CELF2: variants seen among roughly 807,000 people sequenced by gnomAD.
CELF2 encodes CUG triplet repeat RNA-binding protein 2.
In CELF2, 8 loss-of-function variants were observed where a neutral mutation model predicts 62.6. The ratio of observed to expected loss-of-function variants is 0.13; its 90% CI spans 0.07 to 0.23. The LOEUF is 0.23. Among genes scored for constraint, CELF2 ranks in the 10% least tolerant of loss-of-function variants. The pLI, the probability that CELF2 is intolerant of heterozygous loss-of-function variation, is 1.00. For missense variants in CELF2, 333 were observed against 671.0 expected, an observed-to-expected ratio of 0.50 and a Z score of 5.56; for synonymous variants, 258 against 250.0, an observed-to-expected ratio of 1.03 and a Z score of -0.30.
At chr10:10,702,532 A>G in the CELF2 span, among the ~76,000 whole-genome samples, 1 of 152,254 alleles carries the variant, frequency 6.6e-6, no homozygotes, top group East Asian at 1.9e-4. Context: ...TTAAGAATTC[A>G]CTGTCTCTCT....
At chr10:10,505,967 G>A in the CELF2 span, among the ~76,000 whole-genome samples, 1 of 152,112 alleles carries the variant, frequency 6.6e-6, no homozygotes, top group African/African-American at 2.4e-5. Context: ...ACCTTTCAAA[G>A]TCTTGTGTTT....
the CELF2 span, among the ~76,000 whole-genome samples, chr10:10,725,099 A>C: frequency 9.2e-5 from 14 of 152,332 alleles, no homozygotes; most frequent in Non-Finnish European, 2.1e-4. Flanking sequence ...TTAGCTTTTT[A>C]CCAGTATTCC....
At chr10:10,555,572 T>C in the CELF2 span, among the ~76,000 whole-genome samples, 1 of 152,228 alleles carries the variant, frequency 6.6e-6, no homozygotes, top group South Asian at 2.1e-4. Context: ...GTTATAAACA[T>C]AACCTATACA....
At chr10:10,846,011 C>A in intron 1 of CELF2, 2 of 573,082 alleles carry the variant, frequency 3.5e-6, no homozygotes, top group Non-Finnish European at 4.4e-6. Flanking sequence ...TGTGTCTCAG[C>A]TTCGGCATCT....
rs2074832566 is a variant in CELF2 at position 11,244,010 on chromosome 10, C to G, written c.355-5143C>G. Among the ~76,000 whole-genome samples the G allele has an allele frequency of 6.6e-6, 1 of 152,170 alleles. No individual in the cohort carries two copies. Among genetic ancestry groups the G allele is most frequent in the African/African-American group, 2.4e-5 (1 of 41,422 alleles). Reference sequence around the variant, plus strand: ...GACCACCACATCACCTGGGCCCTCCCCCGTCTCCTGCTGTCTACTGGGACC... The same window carrying G: ...GACCACCACATCACCTGGGCCCTCCGCCGTCTCCTGCTGTCTACTGGGACC... On this transcript the variant is annotated intron_variant, in intron 3 of 12. Transcript: ENST00000633077. The surrounding 1 kb of genome is among the most constrained non-coding windows in gnomAD (Gnocchi z 4.2).
At chr10:10,658,731 T>C in the CELF2 span, among the ~76,000 whole-genome samples, 1 of 152,318 alleles carries the variant, frequency 6.6e-6, no homozygotes, top group South Asian at 2.1e-4. Flanking sequence ...GTCTATTCTA[T>C]GTAGCTCTTG....
chr10:10,739,919 C>T, the CELF2 span, among the ~76,000 whole-genome samples: 1 of 152,020 alleles, frequency 6.6e-6, no homozygotes, highest in African/African-American at 2.4e-5. Context: ...GGTCCTTTGC[C>T]CCCTTTTTAA....
In CELF2 at chr10:11,046,506, TTCTC is replaced by T. The variant is rs765735857; in HGVS notation, c.74+28344_74+28347del. Reference sequence around the variant, plus strand: ...GGTTCTCATTAGGCGCACTGCCTGATTCTCATTAAGACTGTCCTGATTTCTTTTA... The same window carrying T: ...GGTTCTCATTAGGCGCACTGCCTGATATTAAGACTGTCCTGATTTCTTTTA... On this transcript the variant is annotated intron_variant, in intron 1 of 12. Transcript: ENST00000633077. This position sits in a 1 kb window ranked among gnomAD's most constrained non-coding sequence, Gnocchi z 4.6. Among the ~76,000 whole-genome samples the T allele has an allele frequency of 1.3e-5, 2 of 152,228 alleles. No homozygotes were observed. The highest frequency in any genetic ancestry group is 2.9e-5 in the Non-Finnish European group (2 of 68,040).
At chr10:10,687,437 CAA>C in the CELF2 span, among the ~76,000 whole-genome samples, 1 of 152,054 alleles carries the variant, frequency 6.6e-6, no homozygotes, top group South Asian at 2.1e-4. Flanking sequence ...AAATTTTAAC[CAA>C]AAGTCATTGT....
intron 2 of CELF2, among the ~76,000 whole-genome samples, chr10:10,980,465 C>T (rs1447833459): frequency 1.3e-5 from 2 of 152,218 alleles, no homozygotes; most frequent in East Asian, 1.9e-4. Context: ...TCGTGGCCTC[C>T]TTCTCTTGCT....
rs1019314818 is a variant in CELF2 at position 11,005,859 on chromosome 10, T to C, written c.53+419T>C. Among the ~76,000 whole-genome samples, 1 of 152,202 alleles carries C rather than the reference T, an allele frequency of 6.6e-6. No individual in the cohort carries two copies. Among genetic ancestry groups the C allele is most frequent in the Non-Finnish European group, 1.5e-5 (1 of 68,032 alleles). On this transcript the variant is annotated intron_variant, in intron 1 of 12. Transcript: ENST00000416382. This position sits in a 1 kb window ranked among gnomAD's most constrained non-coding sequence, Gnocchi z 4.3. ...AGGAGACTCCATATTAGACTTGCGT[T>C]CCAAATACCGCTCTAATCTGGACTT...
chr10:10,819,448 C>G (rs2056774521), intron 1 of CELF2, among the ~76,000 whole-genome samples: 1 of 152,074 alleles, frequency 6.6e-6, no homozygotes, highest in Non-Finnish European at 1.5e-5. Flanking sequence ...GCCAGGGTTA[C>G]CAATGCCAAA....
At chr10:10,481,012 G>A in the CELF2 span, among the ~76,000 whole-genome samples, 2 of 152,152 alleles carry the variant, frequency 1.3e-5, no homozygotes, top group Non-Finnish European at 2.9e-5. Context: ...GCAGTGAGCC[G>A]AGATCGCACC....
chr10:10,723,607 A>AT, the CELF2 span, among the ~76,000 whole-genome samples: 2 of 152,128 alleles, frequency 1.3e-5, no homozygotes, highest in South Asian at 4.2e-4. Context: ...ACAGTTCCTC[A>AT]TTTTTTTTAA....
chr10:10,574,872 G>GCTTTTTTTT, the CELF2 span, among the ~76,000 whole-genome samples: 7 of 105,980 alleles, frequency 6.6e-5, 3 homozygotes, highest in Non-Finnish European at 1.2e-4. Context: ...ACCATGCCTG[G>GCTTTTTTTT]TTTTTTTTTT....
the CELF2 span, among the ~76,000 whole-genome samples, chr10:10,615,124 T>C: frequency 2.0e-4 from 30 of 152,234 alleles, no homozygotes; most frequent in Non-Finnish European, 3.8e-4. Context: ...CTGAGCAACC[T>C]ACTCACTGTT....
At chr10:10,988,406 A>G (rs1490443022) in intron 2 of CELF2, among the ~76,000 whole-genome samples, 2 of 152,062 alleles carry the variant, frequency 1.3e-5, no homozygotes, top group Non-Finnish European at 2.9e-5. Context: ...AAGTGAAGTA[A>G]CTCAGGAATG....
At chr10:11,149,069 G>A (rs1392994506) in intron 1 of CELF2, among the ~76,000 whole-genome samples, 1 of 152,106 alleles carries the variant, frequency 6.6e-6, no homozygotes, top group East Asian at 1.9e-4. Flanking sequence ...ATTATTGACA[G>A]GTGTTTTTTT....
At position 11,309,939 on chromosome 10, in the gene CELF2, G is replaced by T. The variant is rs2094473001; in HGVS notation, c.977-4200G>T. 6.6e-6 allele frequency among the ~76,000 whole-genome samples: 1 copy of T among 152,210 alleles called. No individual in the cohort carries two copies. Among genetic ancestry groups the T allele is most frequent in the African/African-American group, 2.4e-5 (1 of 41,448 alleles). ...CCTGTCTCTCCCTGCTCTGGAGGTG[G>T]TGCAGGGGCAGTGGCCTGCTTTTCT... is the stretch of plus-strand genomic sequence containing the variant. On this transcript the variant is annotated intron_variant, in intron 9 of 12. Transcript: ENST00000633077. This position sits in a 1 kb window ranked among gnomAD's most constrained non-coding sequence, Gnocchi z 5.6.
Sources: gnomAD v4.1 joint callset for allele counts (sites outside exome capture counted in the v4.1 genomes callset) on GRCh38, gnomAD v4.1.1 for gene constraint, Gnocchi (gnomAD v3.1) non-coding constraint, MANE v1.5 for transcripts, NCBI Gene and HGNC (gene_info 2026-07-23, HGNC 2026-07-21) for gene names.